Variants in SH2B1 observed in about 807,000 individuals in gnomAD.
The protein encoded by SH2B1 is SH2B adaptor protein 1, also known as SH2B adapter protein 1.
A neutral mutation model predicts 62.6 loss-of-function variants in SH2B1; 15 were observed. That is an observed-to-expected ratio of 0.24 (90% confidence interval 0.16 to 0.37). SH2B1 has a LOEUF of 0.37. Among genes scored for constraint, SH2B1 ranks in the 10% least tolerant of loss-of-function variants. The pLI, the probability that SH2B1 is intolerant of heterozygous loss-of-function variation, is 1.00. For synonymous variants in SH2B1, 443 were observed against 438.0 expected (o/e 1.01, Z -0.14); for missense variants, 925 against 1,015.6 (o/e 0.91, Z 1.21).
chr16:28,871,118 A>T (rs1318191540), intron 4 of SH2B1, among the ~76,000 whole-genome samples: 1 of 151,990 alleles, frequency 6.6e-6, no homozygotes, highest in African/African-American at 2.4e-5. Flanking sequence ...CCCGGGTTCA[A>T]GCAATTCTTC....
upstream of SH2B1, among the ~76,000 whole-genome samples, chr16:28,860,848 G>A (rs1028675613): frequency 2.0e-5 from 3 of 151,614 alleles, no homozygotes; most frequent in South Asian, 2.1e-4. Flanking sequence ...ATGGAGTCTC[G>A]CTCTGTTGCC....
At chr16:28,848,262 ACT>A (rs903428814) in intron 1 of SH2B1, among the ~76,000 whole-genome samples, 3 of 151,812 alleles carry the variant, frequency 2.0e-5, no homozygotes, top group African/African-American at 7.3e-5. Context: ...ACACGGTGAA[ACT>A]CTGTCTCTAC....
At chr16:28,867,241 G>A (rs1246063265) in intron 1 of SH2B1, 90 bp from the exon 2 acceptor site, 1 of 1,257,962 alleles carries the variant, frequency 7.9e-7, no homozygotes, top group Non-Finnish European at 1.2e-6. Flanking sequence ...ACTTCCCGAG[G>A]ATGTAGAAGG....
At chr16:28,860,448 G>A (rs1962418689), upstream of SH2B1, among the ~76,000 whole-genome samples, 1 of 151,824 alleles carries the variant, frequency 6.6e-6, no homozygotes, top group African/African-American at 2.4e-5. Context: ...TTGCCATGTT[G>A]GCCAGGCGGG....
chr16:28,862,486 G>C (rs1467797803), upstream of SH2B1: 3 of 151,778 alleles, frequency 2.0e-5, no homozygotes, highest in Non-Finnish European at 4.4e-5. Flanking sequence ...TTTTATTGCA[G>C]ATGGGGTTTC....
chr16:28,873,893 G>A lies in SH2B1; in HGVS notation c.*73G>A. ...TGAGATTGGGCTGGGTAGGGACAGA[G>A]GAGGCCGAAATCCCTCCCCCATGCT... is the stretch of plus-strand genomic sequence containing the variant. On this transcript the variant is annotated 3_prime_UTR_variant, in exon 8 of 8. Transcript: ENST00000684370. The surrounding 1 kb of genome is among the most constrained non-coding windows in gnomAD (Gnocchi z 4.2). 1 of 1,332,000 alleles carries A rather than the reference G, an allele frequency of 7.5e-7. No individual in the cohort carries two copies. The highest frequency in any genetic ancestry group is 3.0e-5 in the East Asian group (1 of 33,616). 82.5% of individuals were successfully genotyped at this position (1,332,000 alleles called of 1,614,324 possible).
chr16:28,864,568 A>G lies in SH2B1; in HGVS notation c.-1527A>G, dbSNP rs1346385981. 2.0e-6 allele frequency: 2 copies of G among 985,392 alleles called. No homozygotes were observed. Among genetic ancestry groups the G allele is most frequent in the Non-Finnish European group, 2.4e-6 (2 of 830,062 alleles). 61.0% of individuals were successfully genotyped at this position (985,392 alleles called of 1,614,324 possible). A position where few individuals can be genotyped will look rare whatever the true frequency, so the allele number is the denominator to read the frequency against. Reference sequence around the variant, plus strand: ...AGGCCCAGGAGGAAGGGGAGGGTTCACCGACTTACAGCCTGGCTGTAGGTT... The same window carrying G: ...AGGCCCAGGAGGAAGGGGAGGGTTCGCCGACTTACAGCCTGGCTGTAGGTT... On this transcript the variant is annotated 5_prime_UTR_variant, in exon 1 of 8. Coordinates refer to ENST00000684370, the MANE Select transcript of SH2B1 (RefSeq NM_001387430.1).
chr16:28,850,068 C>G (rs770449178), intron 1 of SH2B1, among the ~76,000 whole-genome samples: 75 of 152,262 alleles, frequency 4.9e-4, no homozygotes, highest in Middle Eastern at 3.4e-3. Flanking sequence ...ACCGTAGCAT[C>G]CTCTGTATTA....
intron 4 of SH2B1, 47 bp downstream of exon 4, chr16:28,869,430 C>T (rs371307590): frequency 1.4e-5 from 22 of 1,560,512 alleles, no homozygotes; most frequent in South Asian, 1.1e-4. Context: ...ACCTGCCATG[C>T]GGGGCCCCTG....
intron 1 of SH2B1, among the ~76,000 whole-genome samples, chr16:28,857,443 T>C (rs1380155875): frequency 2.6e-5 from 4 of 151,998 alleles, no homozygotes; most frequent in Admixed American, 6.6e-5. Context: ...ATAATATAAA[T>C]GTATTTATTA....
At chr16:28,860,412 T>C (rs1962417880), upstream of SH2B1, among the ~76,000 whole-genome samples, 1 of 151,994 alleles carries the variant, frequency 6.6e-6, no homozygotes, top group South Asian at 2.1e-4. Flanking sequence ...CCACCACGCC[T>C]GGCTAATTTT....
chr16:28,847,025 G>A (rs1008451512), intron 1 of SH2B1, among the ~76,000 whole-genome samples: 1 of 152,186 alleles, frequency 6.6e-6, no homozygotes, highest in African/African-American at 2.4e-5. Context: ...AGCTTGCGGG[G>A]ACCCTGTACT....
At position 28,852,414 on chromosome 16, in the gene SH2B1, AT is replaced by A. The variant is rs1371390281; in HGVS notation, c.-301+5590del. Reference sequence around the variant, plus strand: ...TATATACATATATATTTACATATATATTTATATATTTACATATATATTTATA... The same window carrying A: ...TATATACATATATATTTACATATATATTATATATTTACATATATATTTATA... On this transcript the variant is annotated intron_variant, in intron 1 of 10. Transcript: ENST00000322610. 8.7e-5 allele frequency among the ~76,000 whole-genome samples: 3 copies of A among 34,628 alleles called. 1 individual carries two copies. The highest frequency in any genetic ancestry group is 1.5e-4 in the Non-Finnish European group (3 of 20,448). The allele number at this position is 34,628 out of a possible 152,430, so 22.7% of individuals were successfully genotyped here. A position where few individuals can be genotyped will look rare whatever the true frequency, so the allele number is the denominator to read the frequency against.
chr16:28,874,159 A>C lies in SH2B1; in HGVS notation c.*339A>C. 1 of 252,644 alleles carries C rather than the reference A, an allele frequency of 4.0e-6. No homozygotes were observed. 15.7% of individuals were successfully genotyped at this position (252,644 alleles called of 1,614,324 possible). A position where few individuals can be genotyped will look rare whatever the true frequency, so the allele number is the denominator to read the frequency against. ...TTAAGGTGGTTGTTGTTGTTGTTTTAAACAAAATGGAGAAGCATAAATAAA... is the reference window on the plus strand; with the variant it reads ...TTAAGGTGGTTGTTGTTGTTGTTTTCAACAAAATGGAGAAGCATAAATAAA... On this transcript the variant is annotated 3_prime_UTR_variant, in exon 8 of 8. Transcript: ENST00000684370.
chr16:28,872,395 G>A lies in SH2B1; in HGVS notation c.1719G>A (p.Lys573=), dbSNP rs780979948. Residue 573 remains lysine (K), a synonymous_variant, in exon 6 of 8, where the codon AAG becomes AAA. Transcript: ENST00000684370. The surrounding 1 kb of genome is among the most constrained non-coding windows in gnomAD (Gnocchi z 5.3). ...EYVLTFNFQG[K]AKHLRLSLNE... ...TCCTCACCTTCAACTTCCAGGGCAA[G>A]GCCAAGGTGAGCCACCCTGTGGGAA... 59 of 1,601,704 alleles carry A rather than the reference G, an allele frequency of 3.7e-5. No individual in the cohort carries two copies. The highest frequency in any genetic ancestry group is 4.7e-5 in the Non-Finnish European group (55 of 1,172,688).
chr16:28,869,016 C>G lies in SH2B1; in HGVS notation c.1052C>G (p.Pro351Arg), dbSNP rs1962884652. The G allele has an allele frequency of 1.2e-6, 2 of 1,613,866 alleles. No individual in the cohort carries two copies. Among genetic ancestry groups the G allele is most frequent in the South Asian group, 2.2e-5 (2 of 91,086 alleles). The change falls in exon 3 of 8, where the codon CCA (proline) becomes CGA (arginine). Residue 351 changes from proline to arginine, a missense_variant. By Grantham distance (103) the Pro-to-Arg change is moderately radical. Coordinates refer to ENST00000684370, the MANE Select transcript of SH2B1 (RefSeq NM_001387430.1). ...GTCTCATCTCTGTAGGTGGAAGGTC[C>G]ATCCGAGTATATCATGGAGACAGTG... ...ENTFVVKVEG[P>R]SEYIMETVDA...
In SH2B1 at chr16:28,852,275, CATATATATATTTACAT is replaced by C. The variant is rs1567458138; in HGVS notation, c.-301+5457_-301+5472del. On this transcript the variant is annotated intron_variant, in intron 1 of 10. Transcript: ENST00000322610. ...ATATATATTTACATATATATATTTA[CATATATATATTTACAT>C]ATATATATTTACATATATATATTTA... 3.3e-4 allele frequency among the ~76,000 whole-genome samples: 16 copies of C among 47,822 alleles called. 4 individuals are homozygous for C. The highest frequency in any genetic ancestry group is 8.1e-4 in the East Asian group (2 of 2,482). 31.4% of individuals were successfully genotyped at this position (47,822 alleles called of 152,430 possible). A position where few individuals can be genotyped will look rare whatever the true frequency, so the allele number is the denominator to read the frequency against.
At position 28,866,868 on chromosome 16, in the gene SH2B1, T is replaced by C; in HGVS notation, c.774T>C (p.Ala258=). The part of the protein sequence containing the change: ...QREELLSFMG[A]EEAAPDPAGV... ...AAGAGCTGCTGAGTTTCATGGGGGC[T>C]GAGGAGGCAGCCCCTGACCCAGCCG... is the stretch of plus-strand genomic sequence containing the variant. Residue 258 remains alanine (A), a synonymous_variant, in exon 1 of 8, where the codon GCT becomes GCC. Coordinates refer to ENST00000684370, the MANE Select transcript of SH2B1 (RefSeq NM_001387430.1). This position sits in a 1 kb window ranked among gnomAD's most constrained non-coding sequence, Gnocchi z 6.3. 3 of 1,609,904 alleles carry C rather than the reference T, an allele frequency of 1.9e-6. No individual in the cohort carries two copies. Among genetic ancestry groups the C allele is most frequent in the Non-Finnish European group, 2.5e-6 (3 of 1,178,196 alleles).
upstream of SH2B1, among the ~76,000 whole-genome samples, chr16:28,859,732 A>G (rs1214567392): frequency 3.9e-5 from 6 of 152,016 alleles, no homozygotes; most frequent in East Asian, 3.8e-4. Flanking sequence ...GAGAGAGAGA[A>G]AAAGAAAGAA....
Sources: allele counts gnomAD v4.1 joint callset (sites outside exome capture counted in the v4.1 genomes callset), GRCh38; gene constraint gnomAD v4.1.1; non-coding constraint Gnocchi (gnomAD v3.1); transcripts MANE v1.5; gene names NCBI Gene and HGNC (gene_info 2026-07-23, HGNC 2026-07-21).